Variants in IMMP2L observed in about 807,000 individuals in gnomAD.
The protein encoded by IMMP2L is inner mitochondrial membrane peptidase subunit 2.
Under a neutral mutation model 19.3 loss-of-function variants are expected in IMMP2L, and 18 were observed. The observed-to-expected ratio is 0.93, with a 90% CI of 0.64 to 1.38. The LOEUF (loss-of-function observed/expected upper bound fraction) is 1.38, where lower values mean the gene tolerates loss of function less well. Among genes scored for constraint, IMMP2L ranks in the 40% most tolerant of loss-of-function variants. The probability of loss-of-function intolerance (pLI) is 0.00; values close to 1 mark genes in which losing one functional copy is unlikely to be tolerated. For missense variants in IMMP2L, 233 were observed against 218.2 expected, an observed-to-expected ratio of 1.07 and a Z score of -0.43; for synonymous variants, 76 against 73.0, an observed-to-expected ratio of 1.04 and a Z score of -0.21.
intron 3 of IMMP2L, among the ~76,000 whole-genome samples, chr7:111,324,364 T>TA (rs1323422743): frequency 6.6e-6 from 1 of 151,826 alleles, no homozygotes; most frequent in East Asian, 1.9e-4. Context: ...GAAACATAGG[T>TA]AAAATAAAAT....
intron 3 of IMMP2L, among the ~76,000 whole-genome samples, chr7:111,221,648 C>T (rs1812531510): frequency 6.6e-6 from 1 of 151,844 alleles, no homozygotes; most frequent in Admixed American, 6.6e-5. Context: ...AAAGTAATTC[C>T]ATGTTCACAT....
At chr7:111,281,209 AGAAAGAAAAAG>A (rs1819793067) in intron 3 of IMMP2L, among the ~76,000 whole-genome samples, 2 of 53,222 alleles carry the variant, frequency 3.8e-5, no homozygotes, top group Non-Finnish European at 3.9e-5. Context: ...AAAGAAAGAA[AGAAAGAAAAAG>A]AAAGAAAGAA....
chr7:111,192,749 G>C (rs775240671), intron 3 of IMMP2L, among the ~76,000 whole-genome samples: 1 of 152,060 alleles, frequency 6.6e-6, no homozygotes, highest in Non-Finnish European at 1.5e-5. Context: ...GCCCAAGAGA[G>C]TGCAAAGTAC....
At chr7:110,901,602 C>T (rs546794773) in intron 4 of IMMP2L, among the ~76,000 whole-genome samples, 3 of 152,210 alleles carry the variant, frequency 2.0e-5, no homozygotes, top group Admixed American at 6.5e-5. Flanking sequence ...TTATATTCTC[C>T]CTTGTGGACA....
Position 111,521,333 on chromosome 7 carries a change from C to T in IMMP2L, c.115G>A (p.Val39Ile), listed in dbSNP as rs1200904077. Residue 39 changes from valine (V) to isoleucine (I), a missense_variant, in exon 2 of 6, where the codon GTA becomes ATA. Physicochemically the swap from Val to Ile is conservative, Grantham distance 29 (BLOSUM62 3). Coordinates refer to ENST00000405709, the MANE Select transcript of IMMP2L (RefSeq NM_032549.4). Reference sequence around the variant, plus strand: ...TTCACCTGCATCGATGCTCCTTCTACTCTTGCCACACAGGCGACCCGATCC... The same window carrying T: ...TTCACCTGCATCGATGCTCCTTCTATTCTTGCCACACAGGCGACCCGATCC... ...FLDRVACVAR[V>I]EGASMQPSLN... The T allele has an allele frequency of 6.2e-7, 1 of 1,613,054 alleles. No individual in the cohort carries two copies. Among genetic ancestry groups the T allele is most frequent in the South Asian group, 1.1e-5 (1 of 90,994 alleles).
intron 3 of IMMP2L, among the ~76,000 whole-genome samples, chr7:111,452,587 A>G (rs1349152612): frequency 6.6e-6 from 1 of 152,188 alleles, no homozygotes; most frequent in East Asian, 1.9e-4. Flanking sequence ...AGAGAAGATC[A>G]TGAGTGAACT....
chr7:111,178,421 T>G (rs551276581), intron 3 of IMMP2L, among the ~76,000 whole-genome samples: 2 of 152,204 alleles, frequency 1.3e-5, no homozygotes, highest in African/African-American at 4.8e-5. Flanking sequence ...ATGCTGAAGG[T>G]TGGGGTAGCT....
intron 3 of IMMP2L, among the ~76,000 whole-genome samples, chr7:111,100,986 A>C (rs1797909657): frequency 6.6e-6 from 1 of 151,536 alleles, no homozygotes; most frequent in South Asian, 2.1e-4. Context: ...AACATTTATA[A>C]GTTTAAAATT....
At chr7:110,669,036 TGTGTGTGTGTGTGTGC>T (rs1382354396) in intron 5 of IMMP2L, among the ~76,000 whole-genome samples, 11,086 of 61,444 alleles carry the variant, frequency 0.18, 547 homozygotes, top group South Asian at 0.3. Context: ...TATGTGTGTG[TGTGTGTGTGTGTGTGC>T]GTGTGTGTGT....
intron 2 of IMMP2L, among the ~76,000 whole-genome samples, chr7:111,519,663 T>C (rs1187903347): frequency 5.3e-5 from 8 of 152,066 alleles, no homozygotes. Flanking sequence ...ATCTTATATT[T>C]TGCAATGAAT....
intron 3 of IMMP2L, among the ~76,000 whole-genome samples, chr7:111,263,746 A>T (rs1817558683): frequency 6.6e-6 from 1 of 152,160 alleles, no homozygotes; most frequent in Non-Finnish European, 1.5e-5. Context: ...TAAAAGGAAG[A>T]GGAGTAAGCA....
intron 3 of IMMP2L, among the ~76,000 whole-genome samples, chr7:111,250,262 A>G (rs905113197): frequency 1.3e-5 from 2 of 152,158 alleles, no homozygotes; most frequent in African/African-American, 4.8e-5. Context: ...AAAGGACACA[A>G]ATAAATGGAA....
chr7:111,046,161 A>C (rs6964177), intron 3 of IMMP2L, among the ~76,000 whole-genome samples: 141,849 of 151,990 alleles, frequency 0.93, 66,461 homozygotes, highest in East Asian at 0.99. Context: ...TGAAGAAGAA[A>C]CAATTAGAAA....
chr7:111,324,380 T>C (rs1459968274), intron 3 of IMMP2L, among the ~76,000 whole-genome samples: 1 of 151,942 alleles, frequency 6.6e-6, no homozygotes, highest in South Asian at 2.1e-4. Flanking sequence ...AAAATTTCAT[T>C]TGGCAAAACT....
chr7:111,241,086 C>T lies in IMMP2L; in HGVS notation c.239+246152G>A, dbSNP rs185274175. On this transcript the variant is annotated intron_variant, in intron 3 of 5. Transcript: ENST00000405709. The stretch of plus-strand genomic sequence containing the variant: ...AGATAACAGTAACTTAGTTACTGTT[C>T]GAATGGTAAATATTGTATTATGTTT... Among the ~76,000 whole-genome samples the T allele has an allele frequency of 4.6e-4, 70 of 151,770 alleles. No homozygotes were observed. In the Middle Eastern group the frequency reaches 0.01, roughly 22 times the overall value.
chr7:111,514,338 A>G (rs1202860334), intron 2 of IMMP2L, among the ~76,000 whole-genome samples: 1 of 151,982 alleles, frequency 6.6e-6, no homozygotes, highest in Non-Finnish European at 1.5e-5. Context: ...TTGGACACAG[A>G]ATGGGCAACA....
intron 3 of IMMP2L, among the ~76,000 whole-genome samples, chr7:110,986,896 T>C (rs1178266097): frequency 6.6e-6 from 1 of 152,072 alleles, no homozygotes; most frequent in African/African-American, 2.4e-5. Flanking sequence ...GCTCCACATA[T>C]TTTATCTTTT....
At position 110,824,950 on chromosome 7, in the gene IMMP2L, C is replaced by T. The variant is rs1291468575; in HGVS notation, c.408+61643G>A. On this transcript the variant is annotated intron_variant, in intron 5 of 5. Transcript: ENST00000405709. ...GTATATCTAGAAAACGCCATCATCTCAGCCCAAAATCTCCTTAAGCTGATA... is the reference window on the plus strand; with the variant it reads ...GTATATCTAGAAAACGCCATCATCTTAGCCCAAAATCTCCTTAAGCTGATA... Among the ~76,000 whole-genome samples, 3 of 152,134 alleles carry T rather than the reference C, an allele frequency of 2.0e-5. No individual in the cohort carries two copies. In the East Asian group the frequency reaches 5.8e-4, roughly 29 times the overall value.
At chr7:111,103,132 T>C (rs1798161283) in intron 3 of IMMP2L, among the ~76,000 whole-genome samples, 1 of 151,616 alleles carries the variant, frequency 6.6e-6, no homozygotes, top group South Asian at 2.1e-4. Context: ...ATTTTAACAA[T>C]ATCTATTAGA....
Sources: gnomAD v4.1 joint callset for allele counts (sites outside exome capture counted in the v4.1 genomes callset) on GRCh38, gnomAD v4.1.1 for gene constraint, MANE v1.5 for transcripts, NCBI Gene and HGNC (gene_info 2026-07-23, HGNC 2026-07-21) for gene names.